Variants in NIBAN1 observed in about 807,000 individuals in gnomAD.
NIBAN1 encodes protein Niban 1.
In NIBAN1, 81 loss-of-function variants were observed where a neutral mutation model predicts 75.1. The observed-to-expected ratio is 1.08, with a 90% CI of 0.90 to 1.30. The LOEUF (loss-of-function observed/expected upper bound fraction) is 1.30, where lower values mean the gene tolerates loss of function less well. NIBAN1 is among the 50% of genes most tolerant of loss of function. The pLI, the probability that NIBAN1 is intolerant of heterozygous loss-of-function variation, is 0.00. For missense variants in NIBAN1, 1,133 were observed against 1,128.1 expected (o/e 1.00, Z -0.06); for synonymous variants, 436 against 424.8 (o/e 1.03, Z -0.32).
chr1:184,920,387 T>C (rs1185352978), intron 1 of NIBAN1, among the ~76,000 whole-genome samples: 5 of 152,192 alleles, frequency 3.3e-5, no homozygotes, highest in East Asian at 1.9e-4. Context: ...TTTCTTTGTG[T>C]TGGGAACATT....
At chr1:184,834,605 C>A (rs1462092595) in intron 5 of NIBAN1, among the ~76,000 whole-genome samples, 1 of 152,164 alleles carries the variant, frequency 6.6e-6, no homozygotes, top group Admixed American at 6.5e-5. Flanking sequence ...CTCTGATGAC[C>A]AGTGATGATG....
chr1:184,929,063 A>G (rs967671260), intron 1 of NIBAN1, among the ~76,000 whole-genome samples: 18 of 152,178 alleles, frequency 1.2e-4, no homozygotes, highest in Non-Finnish European at 1.0e-4. Context: ...CAGTCACTAA[A>G]TCATTTTTCT....
At chr1:184,906,168 G>C (rs71634119) in intron 1 of NIBAN1, among the ~76,000 whole-genome samples, 1 of 152,034 alleles carries the variant, frequency 6.6e-6, no homozygotes, top group South Asian at 2.1e-4. Flanking sequence ...GTGAGGCAGA[G>C]TATTGCTTGA....
At position 184,796,781 on chromosome 1, in the gene NIBAN1, G is replaced by A. The variant is rs562326114; in HGVS notation, c.1667-684C>T. Among the ~76,000 whole-genome samples the A allele has an allele frequency of 3.3e-5, 5 of 152,266 alleles. No individual in the cohort carries two copies. The South Asian group carries it at 6.2e-4, about 19-fold the overall frequency. ...AAAGACAGAACAGATTTGTGTATTCGGCATAACTTTTCAGCATCTAGCTGC... is the reference window on the plus strand; with the variant it reads ...AAAGACAGAACAGATTTGTGTATTCAGCATAACTTTTCAGCATCTAGCTGC... On this transcript the variant is annotated intron_variant, in intron 13 of 13. Transcript: ENST00000367511.
chr1:184,851,655 A>AT (rs397982239), intron 5 of NIBAN1, among the ~76,000 whole-genome samples: 3 of 151,106 alleles, frequency 2.0e-5, no homozygotes, highest in South Asian at 2.1e-4. Context: ...AAAAAAAAAA[A>AT]TTTTAAAAAG....
intron 5 of NIBAN1, among the ~76,000 whole-genome samples, chr1:184,857,807 G>C (rs567473398): frequency 5.9e-5 from 9 of 151,970 alleles, no homozygotes; most frequent in African/African-American, 2.2e-4. Flanking sequence ...CAGTGGGAAG[G>C]TTAGATTATT....
intron 1 of NIBAN1, among the ~76,000 whole-genome samples, chr1:184,916,308 A>T (rs753106264): frequency 3.3e-5 from 5 of 152,260 alleles, no homozygotes; most frequent in Non-Finnish European, 5.9e-5. Flanking sequence ...AGAAAGTTGT[A>T]ATAGGTAAAT....
chr1:184,806,790 C>G (rs1281385989), intron 10 of NIBAN1, among the ~76,000 whole-genome samples: 1 of 136,004 alleles, frequency 7.4e-6, no homozygotes, highest in Non-Finnish European at 1.6e-5. Flanking sequence ...TTTTGAGACA[C>G]GGTTTCACTT....
At chr1:184,841,379 A>G (rs1483765748) in intron 5 of NIBAN1, among the ~76,000 whole-genome samples, 1 of 152,340 alleles carries the variant, frequency 6.6e-6, no homozygotes, top group East Asian at 1.9e-4. Context: ...AATGCGAAAT[A>G]TAACAGGAAC....
At chr1:184,855,776 G>A (rs1202013271) in intron 5 of NIBAN1, among the ~76,000 whole-genome samples, 1 of 152,152 alleles carries the variant, frequency 6.6e-6, no homozygotes, top group African/African-American at 2.4e-5. Context: ...GCTGTATCCT[G>A]AGAACCTAGA....
At position 184,900,468 on chromosome 1, in the gene NIBAN1, A is replaced by G. The variant is rs1656924039; in HGVS notation, c.56-1159T>C. Among the ~76,000 whole-genome samples, 4 of 152,332 alleles carry G rather than the reference A, an allele frequency of 2.6e-5. No individual in the cohort carries two copies. In the South Asian group the frequency reaches 8.3e-4, roughly 32 times the overall value. On this transcript the variant is annotated intron_variant, in intron 1 of 13. Coordinates refer to ENST00000367511, the MANE Select transcript of NIBAN1 (RefSeq NM_052966.4). Reference sequence around the variant, plus strand: ...GCCATTGAAATATAAGTACAGTACGAAAGTCCAGCTGCCTCACAATGACCA... The same window carrying G: ...GCCATTGAAATATAAGTACAGTACGGAAGTCCAGCTGCCTCACAATGACCA...
intron 5 of NIBAN1, among the ~76,000 whole-genome samples, chr1:184,859,799 A>G (rs1037718981): frequency 6.6e-6 from 1 of 151,998 alleles, no homozygotes; most frequent in Non-Finnish European, 1.5e-5. Flanking sequence ...TACCCAGTAG[A>G]TATTTTAAGG....
At chr1:184,938,796 T>C (rs1271962091) in intron 1 of NIBAN1, among the ~76,000 whole-genome samples, 1 of 152,264 alleles carries the variant, frequency 6.6e-6, no homozygotes, top group Non-Finnish European at 1.5e-5. Flanking sequence ...GTATTTATTA[T>C]ATAAAGATAA....
chr1:184,889,401 G>A (rs746678635), intron 4 of NIBAN1, among the ~76,000 whole-genome samples: 87 of 152,090 alleles, frequency 5.7e-4, no homozygotes, highest in Non-Finnish European at 9.6e-4. Context: ...TTCCATGGCA[G>A]CATCCCAGCT....
intron 1 of NIBAN1, among the ~76,000 whole-genome samples, chr1:184,929,294 C>A (rs949824876): frequency 6.6e-6 from 1 of 151,966 alleles, no homozygotes; most frequent in East Asian, 1.9e-4. Flanking sequence ...GAGTTTGACA[C>A]GTATTTATAA....
chr1:184,883,340 A>G lies in NIBAN1; in HGVS notation c.601+1293T>C, dbSNP rs1011619772. Among the ~76,000 whole-genome samples the G allele has an allele frequency of 4.6e-5, 7 of 152,154 alleles. No individual in the cohort carries two copies. In the East Asian group the frequency reaches 5.8e-4, roughly 13 times the overall value. On this transcript the variant is annotated intron_variant, in intron 5 of 13. Transcript: ENST00000367511. ...AATGATAATTGGTGGGTGTTTATCC[A>G]TCCTCCCTGTTTGAATTTCAACTCC... is the stretch of plus-strand genomic sequence containing the variant.
At chr1:184,948,840 A>G (rs1329674852) in intron 1 of NIBAN1, among the ~76,000 whole-genome samples, 1 of 152,178 alleles carries the variant, frequency 6.6e-6, no homozygotes, top group African/African-American at 2.4e-5. Flanking sequence ...GAAAAGAGAA[A>G]GAGAAAGAAG....
chr1:184,927,308 C>T (rs527256420), intron 1 of NIBAN1, among the ~76,000 whole-genome samples: 2 of 152,284 alleles, frequency 1.3e-5, no homozygotes, highest in South Asian at 2.1e-4. Context: ...CTTAGGAAGG[C>T]TTTCCAGGTA....
chr1:184,895,477 A>G lies in NIBAN1; in HGVS notation c.187-1271T>C, dbSNP rs1656774631. 3.3e-5 allele frequency among the ~76,000 whole-genome samples: 5 copies of G among 152,320 alleles called. No homozygotes were observed. In the South Asian group the frequency reaches 1.0e-3, roughly 32 times the overall value. On this transcript the variant is annotated intron_variant, in intron 2 of 13. Transcript: ENST00000367511. ...AGCAATCACTTATCCCTATGTACTC[A>G]TGCTGCTAAATATATTGGTTAACTT... is the stretch of plus-strand genomic sequence containing the variant.
Sources: gnomAD v4.1 joint callset for allele counts (sites outside exome capture counted in the v4.1 genomes callset) on GRCh38, gnomAD v4.1.1 for gene constraint, MANE v1.5 for transcripts, NCBI Gene and HGNC (gene_info 2026-07-23, HGNC 2026-07-21) for gene names.